PRICKLE1: variants seen among roughly 807,000 people sequenced by gnomAD.
PRICKLE1 encodes prickle planar cell polarity protein 1, also known as prickle-like protein 1.
Under a neutral mutation model 70.2 loss-of-function variants are expected in PRICKLE1, and 14 were observed. The observed-to-expected ratio is 0.20, with a 90% confidence interval of 0.13 to 0.31. The LOEUF is 0.31. Ranked by LOEUF, PRICKLE1 falls within the 10% of genes least tolerant of loss-of-function variation. PRICKLE1 has a pLI of 1.00. For synonymous variants in PRICKLE1, 357 were observed against 379.9 expected (o/e 0.94, Z 0.70); for missense variants, 821 against 1,026.2 (o/e 0.80, Z 2.73).
intron 1 of PRICKLE1, among the ~76,000 whole-genome samples, chr12:42,555,302 C>A (rs1365531878): frequency 2.0e-5 from 3 of 152,090 alleles, no homozygotes; most frequent in African/African-American, 7.2e-5. Context: ...GAAACTCCAT[C>A]TCAAAAACAA....
chr12:42,581,883 T>C (rs568599083), intron 1 of PRICKLE1, among the ~76,000 whole-genome samples: 2 of 152,304 alleles, frequency 1.3e-5, no homozygotes, highest in East Asian at 3.9e-4. Flanking sequence ...TCAGGCTAGT[T>C]TAAAACGCTC....
intron 1 of PRICKLE1, among the ~76,000 whole-genome samples, chr12:42,475,167 G>C (rs1247969928): frequency 6.6e-6 from 1 of 152,154 alleles, no homozygotes; most frequent in East Asian, 1.9e-4. Flanking sequence ...GTTCATTCCA[G>C]CCTTTCAACA....
intron 1 of PRICKLE1, among the ~76,000 whole-genome samples, chr12:42,570,635 C>A (rs1940693409): frequency 6.6e-6 from 1 of 152,132 alleles, no homozygotes; most frequent in Non-Finnish European, 1.5e-5. Context: ...GCCTGGCCAA[C>A]ATGATGAAAT....
intron 1 of PRICKLE1, among the ~76,000 whole-genome samples, chr12:42,585,972 G>A (rs1354544695): frequency 6.6e-6 from 1 of 152,126 alleles, no homozygotes; most frequent in African/African-American, 2.4e-5. Context: ...ATGAGGTTTC[G>A]AGGAACTGCA....
At chr12:42,576,809 A>G (rs1247497754) in intron 1 of PRICKLE1, among the ~76,000 whole-genome samples, 1 of 152,190 alleles carries the variant, frequency 6.6e-6, no homozygotes, top group African/African-American at 2.4e-5. Flanking sequence ...CTGAGGTCCT[A>G]AGGATTTGCT....
chr12:42,477,482 GTATATATATATATA>G (rs139988285), intron 1 of PRICKLE1, among the ~76,000 whole-genome samples: 2,780 of 115,886 alleles, frequency 0.024, 83 homozygotes, highest in Non-Finnish European at 0.028. Flanking sequence ...GTGTGTGTGT[GTATATATATATATA>G]TATATATATA....
At chr12:42,549,170 T>C (rs1308829467) in intron 1 of PRICKLE1, among the ~76,000 whole-genome samples, 3 of 129,448 alleles carry the variant, frequency 2.3e-5, no homozygotes, top group Non-Finnish European at 3.3e-5. Context: ...CCTCTCTCCA[T>C]AGAAAGCTAG....
intron 1 of PRICKLE1, among the ~76,000 whole-genome samples, chr12:42,552,713 A>G (rs1410335387): frequency 6.6e-6 from 1 of 152,204 alleles, no homozygotes; most frequent in Admixed American, 6.5e-5. Context: ...TGTATTAGGA[A>G]CGTATGTAAA....
intron 1 of PRICKLE1, among the ~76,000 whole-genome samples, chr12:42,500,437 A>G (rs1308318670): frequency 6.6e-6 from 1 of 152,230 alleles, no homozygotes; most frequent in Non-Finnish European, 1.5e-5. Context: ...CTCTTGGATG[A>G]GTTCAGCAAC....
chr12:42,490,470 A>G (rs1477790672), intron 1 of PRICKLE1, among the ~76,000 whole-genome samples: 1 of 152,254 alleles, frequency 6.6e-6, no homozygotes, highest in Non-Finnish European at 1.5e-5. Flanking sequence ...GTGGGGAGCC[A>G]CAGAAGCTTA....
Position 42,459,496 on chromosome 12 carries a change from C to T in PRICKLE1, c.*313G>A, listed in dbSNP as rs1937713128. ...TTCTCCATCTTCTAAAATCAACATC[C>T]AATCCCCTTCAGTCAGCATCTTCAG... is the stretch of plus-strand genomic sequence containing the variant. On this transcript the variant is annotated 3_prime_UTR_variant, in exon 8 of 8. Transcript: ENST00000345127. 1.6e-6 allele frequency: 1 copy of T among 644,390 alleles called. No individual in the cohort carries two copies. The highest frequency in any genetic ancestry group is 2.8e-6 in the Non-Finnish European group (1 of 359,442). The allele number at this position is 644,390 out of a possible 1,614,324, so 39.9% of individuals were successfully genotyped here.
intron 2 of PRICKLE1, among the ~76,000 whole-genome samples, 162 bp downstream of exon 2, chr12:42,472,223 C>T (rs1356890478): frequency 1.2e-4 from 18 of 152,102 alleles, no homozygotes; most frequent in African/African-American, 1.7e-4. Context: ...CTAAATATGA[C>T]CTTCAAAAGT....
intron 5 of PRICKLE1, 41 bp from the exon 6 acceptor site, chr12:42,466,421 A>G (rs768509723): frequency 1.5e-5 from 24 of 1,583,148 alleles, no homozygotes; most frequent in Non-Finnish European, 2.0e-5. Context: ...AAAGAAAATC[A>G]TTAGGAACTA....
chr12:42,478,811 G>A (rs1193712434), intron 1 of PRICKLE1, among the ~76,000 whole-genome samples: 1 of 150,126 alleles, frequency 6.7e-6, no homozygotes, highest in East Asian at 2.0e-4. Context: ...TCCCTCCTTT[G>A]TCCTTTCTCT....
intron 1 of PRICKLE1, among the ~76,000 whole-genome samples, chr12:42,583,770 G>A (rs1940942444): frequency 6.6e-6 from 1 of 152,190 alleles, no homozygotes; most frequent in Non-Finnish European, 1.5e-5. Flanking sequence ...ACCCAAAGAA[G>A]CACTATATTC....
chr12:42,468,009 C>A (rs1278378862), intron 5 of PRICKLE1, among the ~76,000 whole-genome samples: 1 of 152,058 alleles, frequency 6.6e-6, no homozygotes, highest in East Asian at 1.9e-4. Context: ...CTGATAATTT[C>A]TTAGTTTTGA....
At position 42,459,316 on chromosome 12, in the gene PRICKLE1, G is replaced by A. The variant is rs933893865; in HGVS notation, c.*493C>T. 1.1e-5 allele frequency: 8 copies of A among 702,146 alleles called. No homozygotes were observed. The African/African-American group carries it at 1.4e-4, about 12-fold the overall frequency. 43.5% of individuals were successfully genotyped at this position (702,146 alleles called of 1,614,324 possible). ...AATACAATGTTTACCTGGCCAAAGA[G>A]GGTTCGAGGGGACAAGCTGGCCTCA... On this transcript the variant is annotated 3_prime_UTR_variant, in exon 8 of 8. Coordinates refer to ENST00000345127, the MANE Select transcript of PRICKLE1 (RefSeq NM_153026.3).
Position 42,479,392 on chromosome 12 carries a change from C to T in PRICKLE1, c.-48-6828G>A, listed in dbSNP as rs570698137. Among the ~76,000 whole-genome samples the T allele has an allele frequency of 1.1e-4, 17 of 152,336 alleles. No homozygotes were observed. The South Asian group carries it at 1.7e-3, about 15-fold the overall frequency. On this transcript the variant is annotated intron_variant, in intron 1 of 7. Transcript: ENST00000345127. ...AAAGCCTCCAATACCATACACATAGCGTGTGTGCGTGCACACATTCGCACA... is the reference window on the plus strand; with the variant it reads ...AAAGCCTCCAATACCATACACATAGTGTGTGTGCGTGCACACATTCGCACA...
chr12:42,488,451 C>T (rs541262859), intron 1 of PRICKLE1, among the ~76,000 whole-genome samples: 1 of 152,292 alleles, frequency 6.6e-6, no homozygotes, highest in East Asian at 1.9e-4. Context: ...ATACTCCTTC[C>T]CCCAACCCAG....
Sources: allele counts gnomAD v4.1 joint callset (sites outside exome capture counted in the v4.1 genomes callset), GRCh38; gene constraint gnomAD v4.1.1; transcripts MANE v1.5; gene names NCBI Gene and HGNC (gene_info 2026-07-23, HGNC 2026-07-21).